Variants in SLC7A11 observed in about 807,000 individuals in gnomAD.
The protein encoded by SLC7A11 is solute carrier family 7 member 11, also known as cystine/glutamate transporter.
Under a neutral mutation model 54.5 loss-of-function variants are expected in SLC7A11, and 35 were observed. The observed-to-expected ratio is 0.64, with a 90% CI of 0.49 to 0.85. The LOEUF (loss-of-function observed/expected upper bound fraction) is 0.85, where lower values mean the gene tolerates loss of function less well. Ranked by LOEUF, SLC7A11 falls within the 40% of genes least tolerant of loss-of-function variation. The pLI is 0.00. For synonymous variants in SLC7A11, 230 were observed against 225.2 expected, an observed-to-expected ratio of 1.02 and a Z score of -0.19; for missense variants, 583 against 618.1, an observed-to-expected ratio of 0.94 and a Z score of 0.60.
At chr4:138,234,769 C>T (rs1738165310) in intron 2 of SLC7A11, among the ~76,000 whole-genome samples, 1 of 152,214 alleles carries the variant, frequency 6.6e-6, no homozygotes, top group South Asian at 2.1e-4. Flanking sequence ...CATCATAATG[C>T]TAAGCAATGA....
Position 138,219,317 on chromosome 4 carries a change from A to G in SLC7A11, c.695T>C (p.Ile232Thr), listed in dbSNP as rs767602031. Residue 232 changes from isoleucine (I) to threonine (T), a missense_variant, in exon 5 of 12, where the codon ATT becomes ACT. By Grantham distance (89) the Ile-to-Thr change is moderately conservative. Coordinates refer to ENST00000280612, the MANE Select transcript of SLC7A11 (RefSeq NM_014331.4). ...KDAFSGRDSS[I>T]TRLPLAFYYG... ...ATAAAAAGCCAGTGGCAACCGCGTA[A>G]TACTTGAATCTCTTCCTGAAAAGGC... 3.7e-6 allele frequency: 6 copies of G among 1,611,726 alleles called. No individual in the cohort carries two copies. The highest frequency in any genetic ancestry group is 5.1e-6 in the Non-Finnish European group (6 of 1,177,986).
chr4:138,224,511 C>T (rs918272736), intron 3 of SLC7A11, among the ~76,000 whole-genome samples: 24 of 151,894 alleles, frequency 1.6e-4, no homozygotes, highest in African/African-American at 5.6e-4. Flanking sequence ...GTAATGAGTC[C>T]GCCTCACAGT....
intron 6 of SLC7A11, among the ~76,000 whole-genome samples, chr4:138,210,556 C>T (rs1334687139): frequency 6.6e-6 from 1 of 151,808 alleles, no homozygotes; most frequent in Non-Finnish European, 1.5e-5. Context: ...AAGCAAAAAC[C>T]AAATAATCCT....
intron 6 of SLC7A11, among the ~76,000 whole-genome samples, chr4:138,206,991 A>AAAAGC (rs1737423829): frequency 9.2e-6 from 1 of 108,810 alleles, no homozygotes; most frequent in Non-Finnish European, 2.0e-5. Flanking sequence ...TTTTCTAAAG[A>AAAAGC]AAAGCAAAAA....
At chr4:138,178,567 C>T (rs1457537609) in intron 11 of SLC7A11, among the ~76,000 whole-genome samples, 1 of 152,066 alleles carries the variant, frequency 6.6e-6, no homozygotes, top group Non-Finnish European at 1.5e-5. Context: ...CACTGTTTTT[C>T]CACAATGGTT....
At chr4:138,185,505 C>T (rs1351206681) in intron 6 of SLC7A11, among the ~76,000 whole-genome samples, 2 of 152,110 alleles carry the variant, frequency 1.3e-5, no homozygotes, top group African/African-American at 4.8e-5. Context: ...CATTCATGTA[C>T]TCCGTAAATG....
rs573596526 is a variant in SLC7A11, at chr4:138,178,444, C to T, written c.1444+773G>A. Among the ~76,000 whole-genome samples, 11 of 152,128 alleles carry T rather than the reference C, an allele frequency of 7.2e-5. No individual in the cohort carries two copies. In the South Asian group the frequency reaches 1.5e-3, roughly 20 times the overall value. ...TGTAAATAGTGCTGCAATAAACATA[C>T]GTGTGCATGTGTCTTTATAGTAGAA... On this transcript the variant is annotated intron_variant, in intron 11 of 11. Coordinates refer to ENST00000280612, the MANE Select transcript of SLC7A11 (RefSeq NM_014331.4).
intron 2 of SLC7A11, among the ~76,000 whole-genome samples, chr4:138,235,044 A>G (rs1409926210): frequency 6.6e-6 from 1 of 152,236 alleles, no homozygotes; most frequent in Non-Finnish European, 1.5e-5. Flanking sequence ...AAATGTTGGC[A>G]GTTTTAAAAG....
chr4:138,168,385 T>A lies in SLC7A11; in HGVS notation c.*3571A>T, dbSNP rs1294837491. On this transcript the variant is annotated 3_prime_UTR_variant, in exon 12 of 12. Coordinates refer to ENST00000280612, the MANE Select transcript of SLC7A11 (RefSeq NM_014331.4). The stretch of plus-strand genomic sequence containing the variant: ...CATTTCCTGATTCTCTGGCCTTCGG[T>A]TTTTTATCTTTTCATACCTTATACC... 6.6e-6 allele frequency: 1 copy of A among 152,174 alleles called. No individual in the cohort carries two copies. The highest frequency in any genetic ancestry group is 1.5e-5 in the Non-Finnish European group (1 of 68,030). The allele number at this position is 152,174 out of a possible 1,614,324, so 9.4% of individuals were successfully genotyped here.
intron 6 of SLC7A11, among the ~76,000 whole-genome samples, chr4:138,199,175 C>T (rs1308069341): frequency 6.6e-6 from 1 of 152,118 alleles, no homozygotes; most frequent in Non-Finnish European, 1.5e-5. Context: ...TAATGCACTA[C>T]ATATATGCAC....
chr4:138,174,751 G>T (rs1736527039), intron 11 of SLC7A11: 1 of 152,144 alleles, frequency 6.6e-6, no homozygotes, highest in African/African-American at 2.4e-5. Context: ...TTTAAATAAA[G>T]GTGTGTTAAT....
intron 6 of SLC7A11, among the ~76,000 whole-genome samples, chr4:138,210,216 C>T (rs1291802751): frequency 6.6e-6 from 1 of 151,942 alleles, no homozygotes; most frequent in Non-Finnish European, 1.5e-5. Flanking sequence ...AAACTGGACC[C>T]CTATCTTTGA....
Position 138,196,892 on chromosome 4 carries a change from T to G in SLC7A11, c.792-11648A>C, listed in dbSNP as rs144604559. Among the ~76,000 whole-genome samples, 301 of 152,256 alleles carry G rather than the reference T, an allele frequency of 2.0e-3. 1 individual carries two copies. The highest frequency in any genetic ancestry group is 3.5e-3 in the Non-Finnish European group (237 of 67,992). On this transcript the variant is annotated intron_variant, in intron 6 of 11. Transcript: ENST00000280612. ...CCAGGCTGGTCTCAAGCTCTTGACCTCTGGTGATACGCCCACCTTGGCCTC... is the reference window on the plus strand; with the variant it reads ...CCAGGCTGGTCTCAAGCTCTTGACCGCTGGTGATACGCCCACCTTGGCCTC...
At position 138,167,763 on chromosome 4, in the gene SLC7A11, C is replaced by G. The variant is rs985739093; in HGVS notation, c.*4193G>C. 2 of 152,054 alleles carry G rather than the reference C, an allele frequency of 1.3e-5. No homozygotes were observed. The highest frequency in any genetic ancestry group is 1.5e-5 in the Non-Finnish European group (1 of 68,018). The allele number at this position is 152,054 out of a possible 1,614,324, so 9.4% of individuals were successfully genotyped here. A position where few individuals can be genotyped will look rare whatever the true frequency, so the allele number is the denominator to read the frequency against. On this transcript the variant is annotated 3_prime_UTR_variant, in exon 12 of 12. Transcript: ENST00000280612. ...TGTAACTCTGTAAACTTGATCAGCA[C>G]TAATGTACAACATATTATGGAGGGT...
Position 138,190,334 on chromosome 4 carries a change from G to A in SLC7A11, c.792-5090C>T, listed in dbSNP as rs1305229120. Among the ~76,000 whole-genome samples, 3 of 152,122 alleles carry A rather than the reference G, an allele frequency of 2.0e-5. No individual in the cohort carries two copies. In the East Asian group the frequency reaches 5.8e-4, roughly 29 times the overall value. ...AGATTTAAAACATAAAGGGAAACTG[G>A]GGACTATTTCTTTACATACAATTGA... On this transcript the variant is annotated intron_variant, in intron 6 of 11. Coordinates refer to ENST00000280612, the MANE Select transcript of SLC7A11 (RefSeq NM_014331.4).
chr4:138,165,101 A>G lies in SLC7A11; in HGVS notation c.*6855T>C, dbSNP rs990594663. ...TTAACATAAACATAACAACACACATATTATTTTTCTACCCCTTGGCAACTG... is the reference window on the plus strand; with the variant it reads ...TTAACATAAACATAACAACACACATGTTATTTTTCTACCCCTTGGCAACTG... On this transcript the variant is annotated 3_prime_UTR_variant, in exon 12 of 12. Coordinates refer to ENST00000280612, the MANE Select transcript of SLC7A11 (RefSeq NM_014331.4). 6.6e-6 allele frequency: 1 copy of G among 151,996 alleles called. No individual in the cohort carries two copies. The highest frequency in any genetic ancestry group is 2.4e-5 in the African/African-American group (1 of 40,914). The allele number at this position is 151,996 out of a possible 1,614,324, so 9.4% of individuals were successfully genotyped here.
At chr4:138,228,782 A>G (rs1214675008) in intron 3 of SLC7A11, among the ~76,000 whole-genome samples, 6 of 139,136 alleles carry the variant, frequency 4.3e-5, no homozygotes, top group Non-Finnish European at 9.5e-5. Context: ...AAAAAAAAAA[A>G]GAACAAACGA....
At chr4:138,225,717 A>G (rs1044627995) in intron 3 of SLC7A11, among the ~76,000 whole-genome samples, 3 of 152,058 alleles carry the variant, frequency 2.0e-5, no homozygotes, top group African/African-American at 7.2e-5. Context: ...GTTGGTGTAA[A>G]AGTGAAAAAA....
intron 6 of SLC7A11, among the ~76,000 whole-genome samples, chr4:138,207,078 TTAAGA>T (rs1213380790): frequency 6.6e-6 from 1 of 151,076 alleles, no homozygotes; most frequent in Non-Finnish European, 1.5e-5. Context: ...GTGTCACATT[TTAAGA>T]TAATTCTAAT....
Sources: allele counts gnomAD v4.1 joint callset (sites outside exome capture counted in the v4.1 genomes callset), GRCh38; gene constraint gnomAD v4.1.1; transcripts MANE v1.5; gene names NCBI Gene and HGNC (gene_info 2026-07-23, HGNC 2026-07-21).